PRKCA: variants seen among roughly 807,000 people sequenced by gnomAD.
The protein encoded by PRKCA is protein kinase C alpha type.
PRKCA carries 27 observed loss-of-function variants against 87.0 expected under a neutral mutation model. That is an observed-to-expected ratio of 0.31 (90% CI 0.23 to 0.43). PRKCA has a LOEUF of 0.43. PRKCA is among the 20% of genes least tolerant of loss of function. The pLI is 1.00. For missense variants in PRKCA, 518 were observed against 852.3 expected, an observed-to-expected ratio of 0.61 and a Z score of 4.88; for synonymous variants, 329 against 311.1, an observed-to-expected ratio of 1.06 and a Z score of -0.61.
In PRKCA at chr17:66,573,665, A is replaced by C. The variant is rs374636682; in HGVS notation, c.289-67690A>C. ...TGACAGGCATTTACAACAAAGCATA[A>C]CATTATTCTTTGACATTATGCTTTG... On this transcript the variant is annotated intron_variant, in intron 3 of 16. Transcript: ENST00000413366. Among the ~76,000 whole-genome samples, 43 of 152,328 alleles carry C rather than the reference A, an allele frequency of 2.8e-4. 1 individual carries two copies. In the South Asian group the frequency reaches 8.7e-3, roughly 31 times the overall value.
At chr17:66,798,773 GTGA>G in intron 16 of PRKCA, among the ~76,000 whole-genome samples, 1 of 63,738 alleles carries the variant, frequency 1.6e-5, no homozygotes, top group Non-Finnish European at 3.5e-5. Flanking sequence ...GGTGGTGGTG[GTGA>G]TGGTGGTGGT....
At chr17:66,657,121 C>G (rs898133120) in intron 5 of PRKCA, among the ~76,000 whole-genome samples, 2 of 152,168 alleles carry the variant, frequency 1.3e-5, no homozygotes, top group Non-Finnish European at 2.9e-5. Context: ...TGAGCTTGTT[C>G]TAAAATATCC....
intron 2 of PRKCA, among the ~76,000 whole-genome samples, chr17:66,351,595 A>G (rs1049724999): frequency 6.6e-6 from 1 of 152,242 alleles, no homozygotes; most frequent in Admixed American, 6.5e-5. Flanking sequence ...ACATTTTAGT[A>G]TGTGCTGCTA....
intron 9 of PRKCA, among the ~76,000 whole-genome samples, chr17:66,735,202 G>A (rs1393448227): frequency 6.6e-6 from 1 of 152,194 alleles, no homozygotes; most frequent in Non-Finnish European, 1.5e-5. Flanking sequence ...AATCCTGATA[G>A]AGAATGTTGA....
intron 3 of PRKCA, among the ~76,000 whole-genome samples, chr17:66,510,337 A>T (rs746817145): frequency 1.5e-4 from 23 of 152,164 alleles, no homozygotes; most frequent in Non-Finnish European, 3.1e-4. Context: ...AGCCTAACGA[A>T]ATTATGCAAG....
chr17:66,541,503 A>C (rs982574458), intron 3 of PRKCA, among the ~76,000 whole-genome samples: 1 of 152,222 alleles, frequency 6.6e-6, no homozygotes, highest in Admixed American at 6.5e-5. Context: ...ATGTGGAAGA[A>C]AAAATAATTC....
At chr17:66,375,628 G>A (rs1347678518) in intron 2 of PRKCA, among the ~76,000 whole-genome samples, 2 of 152,160 alleles carry the variant, frequency 1.3e-5, no homozygotes, top group African/African-American at 4.8e-5. Flanking sequence ...TTAGAGTTCT[G>A]GGGGCAGTTC....
At chr17:66,670,481 TCTTTC>T (rs1972149517) in intron 5 of PRKCA, among the ~76,000 whole-genome samples, 2 of 152,198 alleles carry the variant, frequency 1.3e-5, no homozygotes, top group African/African-American at 4.8e-5. Flanking sequence ...GCTATCTCAT[TCTTTC>T]CTTTGGTGAT....
intron 11 of PRKCA, among the ~76,000 whole-genome samples, chr17:66,739,995 A>G (rs1358063751): frequency 6.6e-6 from 1 of 152,154 alleles, no homozygotes; most frequent in East Asian, 1.9e-4. Context: ...AGTTAGGGCT[A>G]GACCTTGGAG....
chr17:66,767,393 C>G (rs932400122), intron 13 of PRKCA, among the ~76,000 whole-genome samples: 2 of 152,150 alleles, frequency 1.3e-5, no homozygotes, highest in Non-Finnish European at 2.9e-5. Flanking sequence ...AACTCTGCAT[C>G]ATCAGATTAC....
At chr17:66,668,474 C>T (rs1181382363) in intron 5 of PRKCA, among the ~76,000 whole-genome samples, 1 of 152,186 alleles carries the variant, frequency 6.6e-6, no homozygotes, top group Non-Finnish European at 1.5e-5. Flanking sequence ...GGATATGATC[C>T]TACCTGGCTC....
chr17:66,607,672 G>C (rs1970249633), intron 3 of PRKCA, among the ~76,000 whole-genome samples: 1 of 152,122 alleles, frequency 6.6e-6, no homozygotes, highest in Non-Finnish European at 1.5e-5. Context: ...TTTTGCTGCT[G>C]TTTCTAGATT....
chr17:66,676,610 C>T (rs577191087), intron 5 of PRKCA: 1 of 152,360 alleles, frequency 6.6e-6, no homozygotes, highest in African/African-American at 2.4e-5. Context: ...CTGGGTGGGG[C>T]TAAGGTGTGG....
At chr17:66,497,702 C>A (rs952014429) in intron 3 of PRKCA, among the ~76,000 whole-genome samples, 1 of 152,170 alleles carries the variant, frequency 6.6e-6, no homozygotes, top group Non-Finnish European at 1.5e-5. Context: ...GTGCTTGAAG[C>A]GATTCCCATC....
chr17:66,687,393 C>T, intron 6 of PRKCA, 126 bp downstream of exon 6: 1 of 976,738 alleles, frequency 1.0e-6, no homozygotes, highest in Non-Finnish European at 1.5e-6. Flanking sequence ...CTAAGACCTC[C>T]TCAGGCTGCC....
chr17:66,663,152 G>A (rs923181886), intron 5 of PRKCA, among the ~76,000 whole-genome samples: 4 of 152,186 alleles, frequency 2.6e-5, no homozygotes, highest in African/African-American at 9.6e-5. Flanking sequence ...GGAAGACAGG[G>A]CTCCCTCGGG....
At chr17:66,344,071 T>C (rs1598605119) in intron 2 of PRKCA, among the ~76,000 whole-genome samples, 1 of 152,112 alleles carries the variant, frequency 6.6e-6, no homozygotes, top group East Asian at 1.9e-4. Flanking sequence ...TCAAGAAAAA[T>C]TAAGAACCAC....
intron 3 of PRKCA, among the ~76,000 whole-genome samples, chr17:66,633,522 G>A (rs1971077818): frequency 1.3e-5 from 2 of 152,170 alleles, no homozygotes; most frequent in Admixed American, 1.3e-4. Flanking sequence ...TTAGAGGGGA[G>A]CAGCTTCAAG....
intron 2 of PRKCA, among the ~76,000 whole-genome samples, chr17:66,401,434 G>A (rs552561728): frequency 1.3e-5 from 2 of 152,294 alleles, no homozygotes; most frequent in East Asian, 1.9e-4. Flanking sequence ...ATGACATTCA[G>A]GGAGATGATA....
Sources: allele counts gnomAD v4.1 joint callset (sites outside exome capture counted in the v4.1 genomes callset), GRCh38; gene constraint gnomAD v4.1.1; transcripts MANE v1.5; gene names NCBI Gene and HGNC (gene_info 2026-07-23, HGNC 2026-07-21).